Variants in PDZK1 observed in about 807,000 individuals in gnomAD.
PDZK1 encodes the protein Na(+)/H(+) exchange regulatory cofactor NHE-RF3.
A neutral mutation model predicts 38.1 loss-of-function variants in PDZK1; 23 were observed. That is an observed-to-expected ratio of 0.60 (90% confidence interval 0.43 to 0.85). The LOEUF (loss-of-function observed/expected upper bound fraction) is 0.85, where lower values mean the gene tolerates loss of function less well. Ranked by LOEUF, PDZK1 falls within the 40% of genes least tolerant of loss-of-function variation. The pLI is 0.00. For synonymous variants in PDZK1, 98 were observed against 186.2 expected (o/e 0.53, Z 3.86); for missense variants, 297 against 504.3 (o/e 0.59, Z 3.94).
At position 145,672,724 on chromosome 1, in the gene PDZK1, A is replaced by G. The variant is rs587665934; in HGVS notation, c.1506+6T>C. On this transcript the variant is annotated splice_donor_region_variant and intron_variant, in intron 8 of 8. Transcript: ENST00000417171. ...AGATCACGAAAAGAAATAGGCCCCC[A>G]CTCACCCGTTCTTTTGCCATGTGCG... is the stretch of plus-strand genomic sequence containing the variant. The G allele has an allele frequency of 4.3e-6, 7 of 1,611,628 alleles. No individual in the cohort carries two copies. The African/African-American group carries it at 8.0e-5, about 18-fold the overall frequency.
chr1:145,680,321 TAAC>T (rs1359615491), intron 5 of PDZK1, among the ~76,000 whole-genome samples: 3 of 152,088 alleles, frequency 2.0e-5, no homozygotes, highest in Non-Finnish European at 4.4e-5. Context: ...GAAAAGAAAA[TAAC>T]AACTTATGGG....
intron 1 of PDZK1, among the ~76,000 whole-genome samples, chr1:145,693,876 T>A (rs1232704875): frequency 1.3e-5 from 2 of 152,092 alleles, no homozygotes; most frequent in Non-Finnish European, 2.9e-5. Context: ...TGAGATTGAA[T>A]GAACTAATCA....
At position 145,699,333 on chromosome 1, in the gene PDZK1, G is replaced by A. The variant is rs376296535; in HGVS notation, c.-3+7984C>T. 4.2e-4 allele frequency among the ~76,000 whole-genome samples: 64 copies of A among 152,100 alleles called. 1 individual carries two copies. Among genetic ancestry groups the A allele is most frequent in the Middle Eastern group, 6.3e-3 (2 of 316 alleles). On this transcript the variant is annotated intron_variant, in intron 1 of 8. Transcript: ENST00000417171. ...CTCAGGAGGCTGAGGCACAGGAATCGCTTGAACCCGGGAGGTGGAGGTTGC... is the reference window on the plus strand; with the variant it reads ...CTCAGGAGGCTGAGGCACAGGAATCACTTGAACCCGGGAGGTGGAGGTTGC...
chr1:145,692,228 G>C (rs1425666160), intron 1 of PDZK1, among the ~76,000 whole-genome samples: 1 of 152,062 alleles, frequency 6.6e-6, no homozygotes, highest in Non-Finnish European at 1.5e-5. Context: ...TGGGACCTAG[G>C]GGACTTCTTC....
chr1:145,688,124 C>G (rs1317885145), intron 1 of PDZK1, 101 bp from the exon 2 acceptor site: 18 of 981,224 alleles, frequency 1.8e-5, no homozygotes, highest in Non-Finnish European at 2.9e-5. Flanking sequence ...TTCCAATCAC[C>G]AAATCTAGAC....
At chr1:145,683,378 C>T (rs1414145406) in intron 3 of PDZK1, among the ~76,000 whole-genome samples, 2 of 152,238 alleles carry the variant, frequency 1.3e-5, no homozygotes, top group Non-Finnish European at 2.9e-5. Flanking sequence ...TTGTGTCATA[C>T]GCCCTTTCTT....
At chr1:145,699,560 G>A (rs1471597110) in intron 1 of PDZK1, among the ~76,000 whole-genome samples, 1 of 152,204 alleles carries the variant, frequency 6.6e-6, no homozygotes, top group African/African-American at 2.4e-5. Flanking sequence ...AAATGTTTCA[G>A]GGACTAGCTT....
chr1:145,675,164 G>T (rs1220383705), intron 6 of PDZK1, among the ~76,000 whole-genome samples: 4 of 150,286 alleles, frequency 2.7e-5, no homozygotes, highest in Non-Finnish European at 5.9e-5. Flanking sequence ...AAGAAATGAT[G>T]ATCTTGAATA....
intron 1 of PDZK1, among the ~76,000 whole-genome samples, chr1:145,691,089 C>A (rs1425387599): frequency 2.0e-5 from 3 of 152,194 alleles, no homozygotes; most frequent in East Asian, 3.8e-4. Context: ...ACTGTGTACT[C>A]CCCACCACAC....
chr1:145,691,066 A>G (rs1404774967), intron 1 of PDZK1, among the ~76,000 whole-genome samples: 3 of 152,192 alleles, frequency 2.0e-5, no homozygotes, highest in East Asian at 1.9e-4. Context: ...CAAGCCCCCA[A>G]CTGCCTTCTG....
chr1:145,675,076 C>T (rs1383487205), intron 6 of PDZK1, among the ~76,000 whole-genome samples: 2 of 151,840 alleles, frequency 1.3e-5, no homozygotes, highest in Non-Finnish European at 2.9e-5. Flanking sequence ...TAAGCATTAG[C>T]TGTCACTTCT....
intron 1 of PDZK1, among the ~76,000 whole-genome samples, chr1:145,697,202 C>T (rs1479641113): frequency 6.6e-6 from 1 of 152,080 alleles, no homozygotes; most frequent in African/African-American, 2.4e-5. Flanking sequence ...AGGCACGTGC[C>T]TGTAAGCCCA....
intron 1 of PDZK1, among the ~76,000 whole-genome samples, chr1:145,692,895 G>A (rs897064000): frequency 8.6e-5 from 13 of 151,998 alleles, no homozygotes; most frequent in African/African-American, 2.4e-4. Context: ...AAAATTAGCT[G>A]GGTGTGGTGG....
chr1:145,706,594 G>C (rs1656263503), intron 1 of PDZK1, among the ~76,000 whole-genome samples: 1 of 152,110 alleles, frequency 6.6e-6, no homozygotes, highest in South Asian at 2.1e-4. Flanking sequence ...GAACCCTTAG[G>C]TAAGTGTCAT....
chr1:145,686,278 C>G (rs1440609531), intron 3 of PDZK1, among the ~76,000 whole-genome samples, 199 bp downstream of exon 3: 1 of 152,142 alleles, frequency 6.6e-6, no homozygotes, highest in Non-Finnish European at 1.5e-5. Flanking sequence ...GTGTCCCTCC[C>G]CCATTGCACA....
At chr1:145,705,216 A>C (rs1656180516) in intron 1 of PDZK1, among the ~76,000 whole-genome samples, 1 of 152,106 alleles carries the variant, frequency 6.6e-6, no homozygotes, top group Non-Finnish European at 1.5e-5. Flanking sequence ...TCAGCCTCCC[A>C]AGTAGCTAAT....
intron 6 of PDZK1, among the ~76,000 whole-genome samples, chr1:145,677,835 A>G (rs1232012412): frequency 3.5e-5 from 5 of 144,172 alleles, no homozygotes; most frequent in African/African-American, 1.4e-4. Flanking sequence ...ATCAACACTT[A>G]GCAAGACAGA....
At chr1:145,704,964 T>G (rs1262825601) in intron 1 of PDZK1, among the ~76,000 whole-genome samples, 1 of 152,184 alleles carries the variant, frequency 6.6e-6, no homozygotes, top group Non-Finnish European at 1.5e-5. Flanking sequence ...GCCACACTAA[T>G]TCCATTTATG....
chr1:145,674,071 T>C (rs1553698826), intron 6 of PDZK1, 190 bp from the exon 7 acceptor site: 1 of 718,340 alleles, frequency 1.4e-6, no homozygotes, highest in African/African-American at 1.9e-5. Flanking sequence ...TGCTTCGTTA[T>C]GGAGTAATAT....
Sources: gnomAD v4.1 joint callset for allele counts (sites outside exome capture counted in the v4.1 genomes callset) on GRCh38, gnomAD v4.1.1 for gene constraint, MANE v1.5 for transcripts, NCBI Gene and HGNC (gene_info 2026-07-23, HGNC 2026-07-21) for gene names.